The following HOMER1 variants were observed in gnomAD, a reference collection of about 807,000 sequenced individuals.
HOMER1 encodes homer protein homolog 1.
Under a neutral mutation model 48.9 loss-of-function variants are expected in HOMER1, and 3 were observed. That is an observed-to-expected ratio of 0.06 (90% CI 0.03 to 0.16). HOMER1 has a LOEUF of 0.16. HOMER1 is among the 10% of genes least tolerant of loss of function. The pLI is 1.00. For synonymous variants in HOMER1, 134 were observed against 146.4 expected, an observed-to-expected ratio of 0.92 and a Z score of 0.61; for missense variants, 247 against 411.4, an observed-to-expected ratio of 0.60 and a Z score of 3.46.
At chr5:79,384,347 C>A (rs560511696) in intron 8 of HOMER1, among the ~76,000 whole-genome samples, 1 of 152,014 alleles carries the variant, frequency 6.6e-6, no homozygotes, top group Admixed American at 6.5e-5. Flanking sequence ...TACAGAAATA[C>A]AAAAGATTAC....
intron 1 of HOMER1, among the ~76,000 whole-genome samples, chr5:79,488,585 C>T (rs1405044556): frequency 6.6e-6 from 1 of 152,198 alleles, no homozygotes; most frequent in East Asian, 1.9e-4. Flanking sequence ...AATCTGCTGA[C>T]CATACCAAAA....
chr5:79,480,474 A>G (rs1266354111), intron 1 of HOMER1, among the ~76,000 whole-genome samples: 2 of 152,186 alleles, frequency 1.3e-5, no homozygotes, highest in East Asian at 3.8e-4. Context: ...ATAACTTTTC[A>G]CTACTTATAG....
At chr5:79,501,637 C>G (rs1011968083) in intron 1 of HOMER1, among the ~76,000 whole-genome samples, 2 of 152,190 alleles carry the variant, frequency 1.3e-5, no homozygotes, top group Non-Finnish European at 2.9e-5. Flanking sequence ...TCGTTGTAAA[C>G]TACTATAAGG....
At chr5:79,491,121 C>G (rs1752264487) in intron 1 of HOMER1, among the ~76,000 whole-genome samples, 1 of 109,362 alleles carries the variant, frequency 9.1e-6, no homozygotes, top group South Asian at 3.4e-4. Flanking sequence ...GCTTGTCATG[C>G]TCTTTATTTA....
rs746055576 is a variant in HOMER1, at chr5:79,376,119, G to T, written c.955C>A (p.Gln319Lys). The T allele has an allele frequency of 6.8e-6, 11 of 1,613,544 alleles. No individual in the cohort carries two copies. In the South Asian group the frequency reaches 1.2e-4, roughly 18 times the overall value. Residue 319 changes from glutamine to lysine, a missense_variant, in exon 9 of 9, where the codon CAA becomes AAA. By Grantham distance (53) the Gln-to-Lys change is moderately conservative. Transcript: ENST00000334082. ...TTCAGGTTATTGCGAAAAGCTTCTT[G>T]TTCATTCTGACTTTTCTCCAGACGT... is the stretch of plus-strand genomic sequence containing the variant. ...EQRLEKSQNE[Q>K]EAFRNNLKTL...
intron 1 of HOMER1, among the ~76,000 whole-genome samples, chr5:79,477,658 G>C (rs1383054677): frequency 6.6e-6 from 1 of 152,244 alleles, no homozygotes; most frequent in African/African-American, 2.4e-5. Context: ...GTTTGGACAA[G>C]AGTCTAGGGA....
At position 79,379,937 on chromosome 5, in the gene HOMER1, T is replaced by C. The variant is rs369731242; in HGVS notation, c.877-3740A>G. Among the ~76,000 whole-genome samples the C allele has an allele frequency of 7.2e-5, 11 of 152,216 alleles. No homozygotes were observed. The East Asian group carries it at 1.9e-3, about 27-fold the overall frequency. ...GAGTGCTTTAAAAGGTGGGAGAGGA[T>C]TCAAGATGGCTGACTAGAAGCAATT... On this transcript the variant is annotated intron_variant, in intron 8 of 8. Transcript: ENST00000334082.
chr5:79,446,002 T>G (rs138808644), intron 4 of HOMER1, among the ~76,000 whole-genome samples: 1 of 152,248 alleles, frequency 6.6e-6, no homozygotes, highest in Non-Finnish European at 1.5e-5. Context: ...TTTAACTTTA[T>G]GTATATTATG....
chr5:79,511,538 A>C (rs1199949564), intron 1 of HOMER1, among the ~76,000 whole-genome samples: 3 of 152,242 alleles, frequency 2.0e-5, no homozygotes, highest in Non-Finnish European at 4.4e-5. Context: ...TCACTAAGCT[A>C]CTAATAGCAG....
At chr5:79,465,918 A>G (rs895339847) in intron 1 of HOMER1, among the ~76,000 whole-genome samples, 2 of 152,116 alleles carry the variant, frequency 1.3e-5, no homozygotes, top group Non-Finnish European at 2.9e-5. Flanking sequence ...TTACTTTAAG[A>G]GTAGTTTTTA....
At chr5:79,406,878 C>T (rs1024604469) in intron 5 of HOMER1, among the ~76,000 whole-genome samples, 7 of 152,068 alleles carry the variant, frequency 4.6e-5, no homozygotes, top group African/African-American at 1.7e-4. Flanking sequence ...ACTGAGAAAG[C>T]CTCATTTCTG....
intron 8 of HOMER1, among the ~76,000 whole-genome samples, chr5:79,379,109 TA>T (rs1561340264): frequency 2.6e-4 from 24 of 93,192 alleles, no homozygotes; most frequent in African/African-American, 1.1e-3. Flanking sequence ...TATATATATA[TA>T]TATAAAATAT....
In HOMER1 at chr5:79,419,118, T is replaced by A. The variant is rs75749342; in HGVS notation, c.528-17063A>T. On this transcript the variant is annotated intron_variant, in intron 5 of 8. Transcript: ENST00000334082. ...AATAAAATAGAAAGGATGTCTATAT[T>A]TTTTTTTAAGGATATGGAAATAATA... is the stretch of plus-strand genomic sequence containing the variant. 8.3e-3 allele frequency among the ~76,000 whole-genome samples: 1,265 copies of A among 151,904 alleles called. 10 individuals are homozygous for A. Among genetic ancestry groups the A allele is most frequent in the African/African-American group, 0.026 (1,088 of 41,420 alleles).
chr5:79,414,175 C>A (rs937280936), intron 5 of HOMER1, among the ~76,000 whole-genome samples: 1 of 150,482 alleles, frequency 6.6e-6, no homozygotes, highest in Non-Finnish European at 1.5e-5. Context: ...CTGCCTCCCC[C>A]AGGCTCAGGC....
chr5:79,447,008 G>T, intron 4 of HOMER1, 45 bp downstream of exon 4: 1 of 1,159,520 alleles, frequency 8.6e-7, no homozygotes. Flanking sequence ...GATATTATCT[G>T]AAATGAACAA....
At chr5:79,481,204 G>A (rs1455009798) in intron 1 of HOMER1, among the ~76,000 whole-genome samples, 1 of 152,138 alleles carries the variant, frequency 6.6e-6, no homozygotes, top group African/African-American at 2.4e-5. Context: ...CACGACACGT[G>A]TCACAATTAC....
chr5:79,399,086 A>C (rs1454474071), intron 6 of HOMER1, among the ~76,000 whole-genome samples: 1 of 152,166 alleles, frequency 6.6e-6, no homozygotes, highest in Non-Finnish European at 1.5e-5. Context: ...GGGAGTTCCA[A>C]TTCTGATAAT....
At chr5:79,479,395 C>T (rs189654209) in intron 1 of HOMER1, among the ~76,000 whole-genome samples, 1 of 152,092 alleles carries the variant, frequency 6.6e-6, no homozygotes, top group East Asian at 1.9e-4. Flanking sequence ...CCGAGTGGGC[C>T]CCAAATGTAA....
chr5:79,447,161 CTACA>C lies in HOMER1; in HGVS notation c.295-20_295-17del. On this transcript the variant is annotated splice_polypyrimidine_tract_variant and intron_variant, in intron 3 of 8. Coordinates refer to ENST00000334082, the MANE Select transcript of HOMER1 (RefSeq NM_004272.5). ...TTTCTGCAAACTGAATGTATAGAGA[CTACA>C]TACATTAACCAAATAAAAATAGGTC... 1 of 1,494,556 alleles carries C rather than the reference CTACA, an allele frequency of 6.7e-7. No individual in the cohort carries two copies. Among genetic ancestry groups the C allele is most frequent in the Non-Finnish European group, 9.3e-7 (1 of 1,072,846 alleles). 92.6% of individuals were successfully genotyped at this position (1,494,556 alleles called of 1,614,324 possible).
Sources: allele counts gnomAD v4.1 joint callset (sites outside exome capture counted in the v4.1 genomes callset), GRCh38; gene constraint gnomAD v4.1.1; transcripts MANE v1.5; gene names NCBI Gene and HGNC (gene_info 2026-07-23, HGNC 2026-07-21).